CFAP58: variants seen among roughly 807,000 people sequenced by gnomAD.
The protein encoded by CFAP58 is cilia and flagella associated protein 58.
CFAP58 carries 88 observed loss-of-function variants against 119.5 expected under a neutral mutation model. The ratio of observed to expected loss-of-function variants is 0.74; its 90% CI spans 0.62 to 0.88. CFAP58 has a LOEUF of 0.88. Among genes scored for constraint, CFAP58 ranks in the 40% least tolerant of loss-of-function variants. The pLI is 0.00. For missense variants in CFAP58, 990 were observed against 1,021.2 expected (o/e 0.97, Z 0.42); for synonymous variants, 365 against 366.3 (o/e 1.00, Z 0.04).
rs1249658549 is a variant in CFAP58 at position 104,357,953 on chromosome 10, A to ATG, written c.10-387_10-386insGT. Among the ~76,000 whole-genome samples the ATG allele has an allele frequency of 4.7e-4, 53 of 113,004 alleles. 2 individuals carry two copies. The highest frequency in any genetic ancestry group is 1.2e-3 in the African/African-American group (23 of 19,310). 74.1% of individuals were successfully genotyped at this position (113,004 alleles called of 152,430 possible). A position where few individuals can be genotyped will look rare whatever the true frequency, so the allele number is the denominator to read the frequency against. ...TATACACACATATATGTACACATAT[A>ATG]TACACATATATGTACACATATGTAC... is the stretch of plus-strand genomic sequence containing the variant. On this transcript the variant is annotated intron_variant, in intron 1 of 17. Transcript: ENST00000369704.
At chr10:104,353,749 A>T, upstream of CFAP58, 1 of 813,694 alleles carries the variant, frequency 1.2e-6, no homozygotes, top group Non-Finnish European at 1.9e-6. Context: ...GTCCGTTGCC[A>T]GGCGACGGGC....
chr10:104,348,413 C>T, the CFAP58 span, among the ~76,000 whole-genome samples: 62 of 152,238 alleles, frequency 4.1e-4, no homozygotes, highest in Non-Finnish European at 7.4e-4. Context: ...TGTTACAGCA[C>T]GCACCTGAGA....
At chr10:104,431,198 C>A (rs967454547) in intron 15 of CFAP58, among the ~76,000 whole-genome samples, 1 of 152,158 alleles carries the variant, frequency 6.6e-6, no homozygotes, top group Non-Finnish European at 1.5e-5. Flanking sequence ...ACTCATTCAA[C>A]AAACACTGAG....
At chr10:104,357,817 A>ACG (rs2014568394) in intron 1 of CFAP58, among the ~76,000 whole-genome samples, 1 of 147,752 alleles carries the variant, frequency 6.8e-6, no homozygotes, top group African/African-American at 2.5e-5. Flanking sequence ...ATATATATGT[A>ACG]CATATATACA....
intron 8 of CFAP58, 28 bp from the exon 9 acceptor site, chr10:104,380,001 T>C (rs371886844): frequency 1.8e-5 from 28 of 1,595,060 alleles, no homozygotes; most frequent in Non-Finnish European, 2.1e-5. Context: ...TTATGAGTAA[T>C]GTGACTGCTT....
chr10:104,373,187 A>G (rs916986024), intron 7 of CFAP58, among the ~76,000 whole-genome samples: 4 of 152,222 alleles, frequency 2.6e-5, no homozygotes, highest in Non-Finnish European at 4.4e-5. Context: ...CAAGATCTAT[A>G]TATTAAAAAA....
chr10:104,426,438 G>T (rs1281052632), intron 15 of CFAP58, among the ~76,000 whole-genome samples: 1 of 123,816 alleles, frequency 8.1e-6, no homozygotes, highest in African/African-American at 3.1e-5. Context: ...TCCCCCCGCC[G>T]CCTTCCATCA....
At chr10:104,369,771 G>C (rs372671298) in intron 6 of CFAP58, among the ~76,000 whole-genome samples, 282 of 152,282 alleles carry the variant, frequency 1.9e-3, no homozygotes, top group African/African-American at 6.4e-3. Context: ...AACATGAACA[G>C]CTAATTTTGG....
chr10:104,450,669 T>TTTTA (rs3069011), intron 17 of CFAP58, among the ~76,000 whole-genome samples: 20,535 of 143,208 alleles, frequency 0.14, 2,024 homozygotes, highest in East Asian at 0.29. Context: ...TTCACCTATG[T>TTTTA]TTTATTTATT....
rs2014673124 is a variant in CFAP58, at chr10:104,362,019, C to G, written c.292-4C>G. ...TTCTCACTGATATCCTATGGCCCAT[C>G]TAGGAAATTGAAAAGGCCTGGAAGA... On this transcript the variant is annotated splice_polypyrimidine_tract_variant and splice_region_variant and intron_variant, in intron 2 of 17. Coordinates refer to ENST00000369704, the MANE Select transcript of CFAP58 (RefSeq NM_001008723.2). 6.2e-7 allele frequency: 1 copy of G among 1,612,654 alleles called. No individual in the cohort carries two copies. Among genetic ancestry groups the G allele is most frequent in the Non-Finnish European group, 8.5e-7 (1 of 1,179,410 alleles).
At chr10:104,421,205 C>T (rs538342212) in intron 15 of CFAP58, among the ~76,000 whole-genome samples, 157 of 152,306 alleles carry the variant, frequency 1.0e-3, no homozygotes, top group African/African-American at 3.6e-3. Flanking sequence ...CCTCAGCACT[C>T]ATCATGTAGA....
upstream of CFAP58, among the ~76,000 whole-genome samples, chr10:104,350,947 C>A (rs2014452568): frequency 6.6e-6 from 1 of 152,242 alleles, no homozygotes; most frequent in African/African-American, 2.4e-5. Flanking sequence ...ACACACAGCC[C>A]TGCACTTGAC....
intron 15 of CFAP58, among the ~76,000 whole-genome samples, chr10:104,430,867 C>T (rs2012833744): frequency 6.6e-6 from 1 of 152,204 alleles, no homozygotes; most frequent in Non-Finnish European, 1.5e-5. Flanking sequence ...ATCACTTCAA[C>T]ATGAAATGAA....
At chr10:104,420,679 G>A (rs935312204) in intron 15 of CFAP58, among the ~76,000 whole-genome samples, 2 of 151,692 alleles carry the variant, frequency 1.3e-5, no homozygotes, top group African/African-American at 4.8e-5. Flanking sequence ...TTTTCAAAAG[G>A]GGTATCTTGA....
intron 15 of CFAP58, among the ~76,000 whole-genome samples, chr10:104,411,160 G>T (rs1047762262): frequency 1.3e-5 from 2 of 152,042 alleles, no homozygotes; most frequent in Non-Finnish European, 2.9e-5. Flanking sequence ...GGCTGGTCTC[G>T]AACTCCTGAC....
chr10:104,382,992 G>C (rs2011848724), intron 9 of CFAP58, among the ~76,000 whole-genome samples: 1 of 152,158 alleles, frequency 6.6e-6, no homozygotes, highest in African/African-American at 2.4e-5. Flanking sequence ...AGCTGCCCAG[G>C]TCCCACCTGG....
chr10:104,428,572 T>TA (rs1437018858), intron 15 of CFAP58, among the ~76,000 whole-genome samples: 2 of 152,174 alleles, frequency 1.3e-5, no homozygotes, highest in African/African-American at 4.8e-5. Flanking sequence ...TCGTCACTGG[T>TA]AAACATTTTA....
the CFAP58 span, among the ~76,000 whole-genome samples, chr10:104,339,714 T>G: frequency 1.3e-5 from 2 of 152,228 alleles, no homozygotes; most frequent in African/African-American, 4.8e-5. Flanking sequence ...CAGGGTACTT[T>G]TGTTTTCAAG....
chr10:104,449,872 C>T (rs935677322), intron 16 of CFAP58, among the ~76,000 whole-genome samples, 199 bp from the exon 17 acceptor site: 1 of 152,054 alleles, frequency 6.6e-6, no homozygotes, highest in Non-Finnish European at 1.5e-5. Context: ...AAGTTGCAAC[C>T]TAGTGATGCA....
Sources: gnomAD v4.1 joint callset for allele counts (sites outside exome capture counted in the v4.1 genomes callset) on GRCh38, gnomAD v4.1.1 for gene constraint, MANE v1.5 for transcripts, NCBI Gene and HGNC (gene_info 2026-07-23, HGNC 2026-07-21) for gene names.